The following KIF25 variants were observed in gnomAD, a reference collection of about 807,000 sequenced individuals.
KIF25 encodes kinesin-like protein KIF25.
KIF25 carries 19 observed loss-of-function variants against 32.9 expected under a neutral mutation model. That is an observed-to-expected ratio of 0.58 (90% CI 0.40 to 0.85). The LOEUF (loss-of-function observed/expected upper bound fraction) is 0.85. Ranked by LOEUF, KIF25 falls within the 40% of genes least tolerant of loss-of-function variation. The pLI is 0.00. For missense variants in KIF25, 485 were observed against 507.0 expected, an observed-to-expected ratio of 0.96 and a Z score of 0.42; for synonymous variants, 225 against 213.7, an observed-to-expected ratio of 1.05 and a Z score of -0.46.
chr6:168,003,279 G>A (rs1012032972), intron 3 of KIF25, among the ~76,000 whole-genome samples: 1 of 152,212 alleles, frequency 6.6e-6, no homozygotes, highest in African/African-American at 2.4e-5. Context: ...GAAGACAAAA[G>A]GGGGTGGGGA....
At position 167,998,050 on chromosome 6, in the gene KIF25, G is replaced by T. The variant is rs1475848955; in HGVS notation, c.-1419G>T. On this transcript the variant is annotated 5_prime_UTR_variant, in exon 1 of 13. Transcript: ENST00000643607. Reference sequence around the variant, plus strand: ...CCAAGTACTTTTGAAACCATTTGGTGTATTTTCTTATTTAATCTTCACAAT... The same window carrying T: ...CCAAGTACTTTTGAAACCATTTGGTTTATTTTCTTATTTAATCTTCACAAT... Among the ~76,000 whole-genome samples, 1 of 152,082 alleles carries T rather than the reference G, an allele frequency of 6.6e-6. No homozygotes were observed. Among genetic ancestry groups the T allele is most frequent in the African/African-American group, 2.4e-5 (1 of 41,378 alleles).
At chr6:168,034,943 A>G (rs1397362328) in intron 8 of KIF25, among the ~76,000 whole-genome samples, 1 of 152,090 alleles carries the variant, frequency 6.6e-6, no homozygotes, top group Admixed American at 6.5e-5. Context: ...GGCGGATCAC[A>G]AGGTCAGGAG....
chr6:168,033,830 C>T lies in KIF25; in HGVS notation c.168-52C>T, dbSNP rs1798975232. On this transcript the variant is annotated intron_variant, in intron 7 of 12. Transcript: ENST00000643607. ...TACAAGTGAAAATTTTTCCTGGAAT[C>T]TTCTTGGCACCCACGTGTGTTTTGC... 52 of 1,562,654 alleles carry T rather than the reference C, an allele frequency of 3.3e-5. 1 individual carries two copies. The South Asian group carries it at 5.9e-4, about 18-fold the overall frequency.
At chr6:168,017,746 G>T (rs1446482031) in intron 4 of KIF25, 1 of 152,252 alleles carries the variant, frequency 6.6e-6, no homozygotes, top group East Asian at 1.9e-4. Context: ...AAGGGCCAGG[G>T]AGTTAATATT....
chr6:168,013,394 A>G (rs1798673241), intron 4 of KIF25, among the ~76,000 whole-genome samples: 1 of 152,112 alleles, frequency 6.6e-6, no homozygotes, highest in East Asian at 1.9e-4. Flanking sequence ...TGTGACGTTC[A>G]GCCACCCGTG....
intron 7 of KIF25, among the ~76,000 whole-genome samples, 200 bp downstream of exon 7, chr6:168,031,047 G>A (rs1199913925): frequency 6.6e-6 from 1 of 152,174 alleles, no homozygotes; most frequent in Non-Finnish European, 1.5e-5. Flanking sequence ...GAGTGAGAAT[G>A]ATTTGGAGAA....
intron 4 of KIF25, among the ~76,000 whole-genome samples, chr6:168,006,883 C>T (rs1285943136): frequency 1.3e-5 from 2 of 152,142 alleles, no homozygotes; most frequent in African/African-American, 4.8e-5. Context: ...TAGCCTTATA[C>T]TTTTTAAAAA....
intron 2 of KIF25, among the ~76,000 whole-genome samples, chr6:168,001,581 G>A (rs2843009): frequency 0.11 from 8,219 of 75,988 alleles, 383 homozygotes; most frequent in African/African-American, 0.14. Context: ...CACCTGAGGC[G>A]TGGCCTCGGG....
chr6:168,039,997 T>A, intron 9 of KIF25, 68 bp from the exon 10 acceptor site: 1 of 1,524,256 alleles, frequency 6.6e-7, no homozygotes, highest in Non-Finnish European at 8.8e-7. Flanking sequence ...AGCCGAGGAG[T>A]CTTGGAAGTC....
chr6:168,019,533 C>T (rs751744921), intron 5 of KIF25, among the ~76,000 whole-genome samples: 3 of 152,140 alleles, frequency 2.0e-5, no homozygotes, highest in South Asian at 2.1e-4. Context: ...AGCTTGAGGC[C>T]GCAGCAACAG....
At position 167,999,209 on chromosome 6, in the gene KIF25, C is replaced by G. The variant is rs3778668; in HGVS notation, c.-481C>G. 0.14 allele frequency: 21,734 copies of G among 152,218 alleles called. 1,993 individuals are homozygous for G. Among genetic ancestry groups the G allele is most frequent in the East Asian group, 0.44 (2,276 of 5,160 alleles). The allele number at this position is 152,218 out of a possible 1,614,324, so 9.4% of individuals were successfully genotyped here. On this transcript the variant is annotated 5_prime_UTR_variant, in exon 2 of 13. Coordinates refer to ENST00000643607, the MANE Select transcript of KIF25 (RefSeq NM_030615.4). Reference sequence around the variant, plus strand: ...GTGCAGGCTCGCGCCCGGGTTGACACGCAGACCTCTTGATCATTGCAGGAG... The same window carrying G: ...GTGCAGGCTCGCGCCCGGGTTGACAGGCAGACCTCTTGATCATTGCAGGAG...
At chr6:168,044,417 G>A (rs9346519) in intron 12 of KIF25, among the ~76,000 whole-genome samples, 5 of 101,166 alleles carry the variant, frequency 4.9e-5, no homozygotes, top group African/African-American at 1.1e-4. Context: ...TCCCGGACCC[G>A]GGTGAGGGGT....
chr6:168,035,432 G>T (rs1304545363), intron 8 of KIF25, among the ~76,000 whole-genome samples: 1 of 15,910 alleles, frequency 6.3e-5, no homozygotes, highest in Non-Finnish European at 1.6e-4. Context: ...GGCTGGAACG[G>T]CGCGGCGGAG....
chr6:168,019,632 C>A (rs553638514), intron 5 of KIF25, among the ~76,000 whole-genome samples: 6 of 152,082 alleles, frequency 3.9e-5, no homozygotes, highest in Non-Finnish European at 8.8e-5. Flanking sequence ...CCCCACAGTG[C>A]GAATGAGCTT....
rs560640267 is a variant in KIF25, at chr6:167,998,074, A to G, written c.-1395A>G. ...TGTATTTTCTTATTTAATCTTCACA[A>G]TAGCACCACCTCTCTGGGTTGCTAT... On this transcript the variant is annotated 5_prime_UTR_variant, in exon 1 of 13. Transcript: ENST00000643607. 6.6e-6 allele frequency: 1 copy of G among 152,208 alleles called. No individual in the cohort carries two copies. Among genetic ancestry groups the G allele is most frequent in the Admixed American group, 6.5e-5 (1 of 15,306 alleles). The allele number at this position is 152,208 out of a possible 1,614,324, so 9.4% of individuals were successfully genotyped here.
chr6:168,033,832 T>G, intron 7 of KIF25, 50 bp from the exon 8 acceptor site: 3 of 1,573,810 alleles, frequency 1.9e-6, no homozygotes, highest in Non-Finnish European at 2.6e-6. Context: ...CCTGGAATCT[T>G]CTTGGCACCC....
intron 4 of KIF25, among the ~76,000 whole-genome samples, chr6:168,008,426 T>C (rs9355150): frequency 0.21 from 31,594 of 152,122 alleles, 3,757 homozygotes; most frequent in East Asian, 0.27. Context: ...TCTGTTCCAC[T>C]GGTCTATGTG....
intron 4 of KIF25, among the ~76,000 whole-genome samples, chr6:168,005,122 G>C (rs1391264495): frequency 6.6e-6 from 1 of 152,072 alleles, no homozygotes; most frequent in Non-Finnish European, 1.5e-5. Flanking sequence ...TGGCGTGCAC[G>C]AGCCGACTGT....
chr6:168,044,189 G>C (rs542988187), intron 12 of KIF25, among the ~76,000 whole-genome samples: 1 of 150,382 alleles, frequency 6.6e-6, no homozygotes, highest in Non-Finnish European at 1.5e-5. Context: ...GCTAGTGACC[G>C]GCTGCTGACC....
Sources: allele counts gnomAD v4.1 joint callset (sites outside exome capture counted in the v4.1 genomes callset), GRCh38; gene constraint gnomAD v4.1.1; transcripts MANE v1.5; gene names NCBI Gene and HGNC (gene_info 2026-07-23, HGNC 2026-07-21).